The following DEFB1 variants were observed in gnomAD, a reference collection of about 807,000 sequenced individuals.
DEFB1 encodes defensin beta 1.
DEFB1 carries 4 observed loss-of-function variants against 2.6 expected under a neutral mutation model. That is an observed-to-expected ratio of 1.53 (90% CI 0.76 to 3.51). DEFB1 has a LOEUF of 3.51. DEFB1 is among the 30% of genes most tolerant of loss of function. The pLI is 0.01. For missense variants in DEFB1, 162 were observed against 76.9 expected, an observed-to-expected ratio of 2.11 and a Z score of -4.14; for synonymous variants, 56 against 28.5, an observed-to-expected ratio of 1.96 and a Z score of -3.07.
intron 1 of DEFB1, among the ~76,000 whole-genome samples, chr8:6,875,513 A>T (rs1585000945): frequency 6.6e-6 from 1 of 152,354 alleles, no homozygotes; most frequent in African/African-American, 2.4e-5. Flanking sequence ...TATGTATAAA[A>T]GGGCCCAACT....
intron 1 of DEFB1, among the ~76,000 whole-genome samples, chr8:6,871,364 T>G (rs1344197): frequency 0.18 from 27,019 of 151,788 alleles, 2,609 homozygotes; most frequent in Admixed American, 0.24. Context: ...ACTTTCATAG[T>G]TTTTTTTTCT....
intron 1 of DEFB1, among the ~76,000 whole-genome samples, chr8:6,874,278 A>AT (rs1806437200): frequency 6.6e-6 from 1 of 152,228 alleles, no homozygotes; most frequent in Non-Finnish European, 1.5e-5. Flanking sequence ...AAAAGTTATT[A>AT]TGAAGGCCTG....
intron 1 of DEFB1, among the ~76,000 whole-genome samples, chr8:6,877,499 A>C (rs891138492): frequency 6.6e-6 from 1 of 152,114 alleles, no homozygotes; most frequent in Non-Finnish European, 1.5e-5. Flanking sequence ...CTTGCAGGGG[A>C]AGCAGCAATC....
Position 6,870,699 on chromosome 8 carries a change from C to A in DEFB1, c.189G>T (p.Lys63Asn). The A allele has an allele frequency of 6.2e-7, 1 of 1,614,160 alleles. No individual in the cohort carries two copies. Among genetic ancestry groups the A allele is most frequent in the South Asian group, 1.1e-5 (1 of 91,068 alleles). Residue 63 changes from lysine to asparagine, a missense_variant, in exon 2 of 2, where the codon AAG (lysine) becomes AAT (asparagine). Transcript: ENST00000297439. ...TKIQGTCYRG[K>N]AKCCK ...TCCCAGCTCACTTGCAGCACTTGGC[C>A]TTCCCTCTGTAACAGGTGCCTTGAA...
chr8:6,872,525 C>T (rs1268795352), intron 1 of DEFB1, among the ~76,000 whole-genome samples: 1 of 152,034 alleles, frequency 6.6e-6, no homozygotes, highest in Non-Finnish European at 1.5e-5. Context: ...AACACATCCA[C>T]AGGAGAATGA....
chr8:6,876,845 C>CAAAAAAAAA (rs34563802), intron 1 of DEFB1, among the ~76,000 whole-genome samples: 2 of 57,924 alleles, frequency 3.5e-5, no homozygotes, highest in Non-Finnish European at 6.3e-5. Flanking sequence ...AACCAAAAAC[C>CAAAAAAAAA]AAAAAAAAAA....
chr8:6,871,939 A>G (rs1270567462), intron 1 of DEFB1, among the ~76,000 whole-genome samples: 1 of 152,218 alleles, frequency 6.6e-6, no homozygotes, highest in Admixed American at 6.5e-5. Flanking sequence ...ACAAGAGGCC[A>G]TCGCTACCCT....
At chr8:6,874,262 C>T (rs1474002678) in intron 1 of DEFB1, among the ~76,000 whole-genome samples, 1 of 151,982 alleles carries the variant, frequency 6.6e-6, no homozygotes, top group African/African-American at 2.4e-5. Context: ...ATCCTACTAA[C>T]ATAAAAAAAG....
chr8:6,877,765 G>A (rs199634363), intron 1 of DEFB1, 32 bp downstream of exon 1: 2 of 1,597,602 alleles, frequency 1.3e-6, no homozygotes, highest in Non-Finnish European at 1.7e-6. Context: ...CAGCCCTGGG[G>A]ATGGGAAACT....
At chr8:6,871,934 A>G (rs1161392482) in intron 1 of DEFB1, among the ~76,000 whole-genome samples, 1 of 152,190 alleles carries the variant, frequency 6.6e-6, no homozygotes, top group Admixed American at 6.5e-5. Flanking sequence ...CTAATACAAG[A>G]GGCCATCGCT....
chr8:6,874,712 T>C (rs1806455601), intron 1 of DEFB1, among the ~76,000 whole-genome samples: 1 of 152,196 alleles, frequency 6.6e-6, no homozygotes, highest in Admixed American at 6.5e-5. Context: ...CTGGGCATGG[T>C]GGCTCATGGC....
chr8:6,877,915 G>C lies in DEFB1; in HGVS notation c.-58C>G. On this transcript the variant is annotated 5_prime_UTR_variant, in exon 1 of 2. Transcript: ENST00000297439. ...AACTGGGGAGACGCTGGCTCCTTTG[G>C]AGGCTGAGCTGACAGAGGCTTCCAG... The C allele has an allele frequency of 6.6e-7, 1 of 1,523,700 alleles. No homozygotes were observed. Among genetic ancestry groups the C allele is most frequent in the Non-Finnish European group, 9.1e-7 (1 of 1,098,072 alleles). 94.4% of individuals were successfully genotyped at this position (1,523,700 alleles called of 1,614,324 possible). A position where few individuals can be genotyped will look rare whatever the true frequency, so the allele number is the denominator to read the frequency against.
At chr8:6,872,256 A>G (rs1391219146) in intron 1 of DEFB1, among the ~76,000 whole-genome samples, 2 of 151,964 alleles carry the variant, frequency 1.3e-5, no homozygotes, top group Non-Finnish European at 2.9e-5. Flanking sequence ...CATTTCTCTC[A>G]TTTTGTTCTC....
intron 1 of DEFB1, among the ~76,000 whole-genome samples, chr8:6,871,125 A>T (rs1311128962): frequency 6.6e-6 from 1 of 152,194 alleles, no homozygotes; most frequent in Non-Finnish European, 1.5e-5. Context: ...TTATTTTTCC[A>T]AACAAGTTTT....
At position 6,874,137 on chromosome 8, in the gene DEFB1, ACACACACACG is replaced by A. The variant is rs1489077370; in HGVS notation, c.62-3321_62-3312del. 3.2e-3 allele frequency among the ~76,000 whole-genome samples: 204 copies of A among 64,550 alleles called. 5 individuals are homozygous for A. In the South Asian group the frequency reaches 0.078, roughly 25 times the overall value. 42.3% of individuals were successfully genotyped at this position (64,550 alleles called of 152,430 possible). On this transcript the variant is annotated intron_variant, in intron 1 of 1. Transcript: ENST00000297439. ...CTGACATACACACACACACACACACACACACACACGCACACACACGCACATGTGCACTTTG... is the reference window on the plus strand; with the variant it reads ...CTGACATACACACACACACACACACACACACACACGCACATGTGCACTTTG...
At chr8:6,876,301 C>G (rs1247588343) in intron 1 of DEFB1, among the ~76,000 whole-genome samples, 1 of 152,014 alleles carries the variant, frequency 6.6e-6, no homozygotes, top group Non-Finnish European at 1.5e-5. Flanking sequence ...ATGGTGAAAC[C>G]CCGTCTGTAC....
At chr8:6,876,731 A>G (rs2980922) in intron 1 of DEFB1, among the ~76,000 whole-genome samples, 35,211 of 150,926 alleles carry the variant, frequency 0.23, 5,006 homozygotes, top group East Asian at 0.45. Context: ...TGAGCTCAGG[A>G]GGCAGAGGCT....
intron 1 of DEFB1, among the ~76,000 whole-genome samples, chr8:6,874,475 C>T (rs762085993): frequency 2.6e-5 from 4 of 152,134 alleles, no homozygotes; most frequent in East Asian, 1.9e-4. Context: ...ATAGCCAAGA[C>T]ACATTTGGAA....
chr8:6,873,986 T>C (rs548454910), intron 1 of DEFB1, among the ~76,000 whole-genome samples: 7 of 152,338 alleles, frequency 4.6e-5, no homozygotes, highest in Non-Finnish European at 7.3e-5. Flanking sequence ...GTGTTAGATA[T>C]TGCTGTGCCT....
Sources: gnomAD v4.1 joint callset for allele counts (sites outside exome capture counted in the v4.1 genomes callset) on GRCh38, gnomAD v4.1.1 for gene constraint, MANE v1.5 for transcripts, NCBI Gene and HGNC (gene_info 2026-07-23, HGNC 2026-07-21) for gene names.